The following CTR9 variants were observed in gnomAD, a reference collection of about 807,000 sequenced individuals.
CTR9 encodes the protein CTR9 component of Paf1/RNA polymerase II complex.
CTR9 carries 41 observed loss-of-function variants against 152.1 expected under a neutral mutation model. That is an observed-to-expected ratio of 0.27 (90% CI 0.21 to 0.35). The LOEUF is 0.35. CTR9 is among the 10% of genes least tolerant of loss of function. CTR9 has a pLI of 1.00. For synonymous variants in CTR9, 476 were observed against 496.2 expected (o/e 0.96, Z 0.54); for missense variants, 917 against 1,424.4 (o/e 0.64, Z 5.73).
intron 12 of CTR9, among the ~76,000 whole-genome samples, chr11:10,765,171 A>G (rs1863040598): frequency 1.3e-5 from 2 of 152,210 alleles, no homozygotes; most frequent in South Asian, 4.1e-4. Flanking sequence ...TAAAATAAGG[A>G]AAGTTTTTAA....
chr11:10,764,476 A>AAGTTG lies in CTR9; in HGVS notation c.1413+41_1413+45dup, dbSNP rs3830388. 964,143 of 1,603,902 alleles carry AAGTTG rather than the reference A, an allele frequency of 0.6. 295,901 individuals carry two copies. Among genetic ancestry groups the AAGTTG allele is most frequent in the East Asian group, 0.84 (37,569 of 44,724 alleles). ...ATATTTCCTTCTTTTATACTGAATC[A>AAGTTG]AGTTGCATGCACACCTTTTTAAAAA... On this transcript the variant is annotated intron_variant, in intron 11 of 24. Coordinates refer to ENST00000361367, the MANE Select transcript of CTR9 (RefSeq NM_014633.5).
At chr11:10,773,401 C>T in intron 21 of CTR9, 128 bp downstream of exon 21, 2 of 1,074,210 alleles carry the variant, frequency 1.9e-6, no homozygotes, top group African/African-American at 1.6e-5. Flanking sequence ...AAGAGACAGT[C>T]TTCTAACACA....
chr11:10,778,612 TTGTC>T, intron 24 of CTR9, 63 bp from the exon 25 acceptor site: 1 of 1,456,002 alleles, frequency 6.9e-7, no homozygotes, highest in Non-Finnish European at 9.4e-7. Flanking sequence ...TAAAAGCACA[TTGTC>T]TGCTCATCAA....
At chr11:10,759,094 A>C (rs1162766709) in intron 5 of CTR9, among the ~76,000 whole-genome samples, 2 of 152,218 alleles carry the variant, frequency 1.3e-5, no homozygotes, top group African/African-American at 4.8e-5. Context: ...TCTGGGCTGA[A>C]GTCATCAACA....
chr11:10,751,263 C>A lies in CTR9; in HGVS notation c.-150C>A. 1.3e-6 allele frequency: 1 copy of A among 757,946 alleles called. No homozygotes were observed. Among genetic ancestry groups the A allele is most frequent in the Admixed American group, 2.5e-5 (1 of 40,698 alleles). 47.0% of individuals were successfully genotyped at this position (757,946 alleles called of 1,614,324 possible). A position where few individuals can be genotyped will look rare whatever the true frequency, so the allele number is the denominator to read the frequency against. On this transcript the variant is annotated 5_prime_UTR_variant, in exon 1 of 25. Transcript: ENST00000361367. ...CGCTGCTCGTTGTTTAAGCGGCTGA[C>A]GGGAAGGAGAAGCCAGAGCTCCAGC...
intron 6 of CTR9, among the ~76,000 whole-genome samples, chr11:10,760,697 A>G (rs1862962799): frequency 6.6e-6 from 1 of 152,142 alleles, no homozygotes; most frequent in Non-Finnish European, 1.5e-5. Context: ...GAATGCTTTC[A>G]TTGCACGTAA....
chr11:10,775,697 C>G, intron 24 of CTR9, 64 bp downstream of exon 24: 3 of 1,082,394 alleles, frequency 2.8e-6, no homozygotes, highest in Non-Finnish European at 4.1e-6. Context: ...GATTACTAAT[C>G]AGCCTGTCTG....
At chr11:10,765,253 G>A (rs1302938347) in intron 12 of CTR9, among the ~76,000 whole-genome samples, 1 of 152,074 alleles carries the variant, frequency 6.6e-6, no homozygotes, top group Non-Finnish European at 1.5e-5. Context: ...CCACTGCAGC[G>A]GGATCGCTTG....
In CTR9 at chr11:10,767,658, CAA is replaced by C. The variant is rs201006625; in HGVS notation, c.1687-138_1687-137del. 9.8e-4 allele frequency: 563 copies of C among 572,310 alleles called. No individual in the cohort carries two copies. The highest frequency in any genetic ancestry group is 1.5e-3 in the South Asian group (58 of 39,858). 35.5% of individuals were successfully genotyped at this position (572,310 alleles called of 1,614,324 possible). The stretch of plus-strand genomic sequence containing the variant: ...AGTTCGATAAATTTGGATTGCCATG[CAA>C]AAAAAAAAAGAAAGAAAGAAAAGAA... On this transcript the variant is annotated intron_variant, in intron 13 of 24. Transcript: ENST00000361367. This position sits in a 1 kb window ranked among gnomAD's most constrained non-coding sequence, Gnocchi z 4.0.
rs1862824952 is a variant in CTR9, at chr11:10,752,709, A to T, written c.83A>T (p.Asp28Val). 3 of 1,613,894 alleles carry T rather than the reference A, an allele frequency of 1.9e-6. No homozygotes were observed. Among genetic ancestry groups the T allele is most frequent in the Non-Finnish European group, 2.5e-6 (3 of 1,179,944 alleles). Residue 28 changes from aspartate (D) to valine (V), a missense_variant, in exon 2 of 25, where the codon GAT becomes GTT. Asp to Val is a radical substitution (Grantham distance 152). Transcript: ENST00000361367. ...GACTTCGATCAGTTACCGGAGGGAG[A>T]TGAAGTTATCAGTATTCTGAAACAG... is the stretch of plus-strand genomic sequence containing the variant. ...ELDFDQLPEG[D>V]EVISILKQEH... is the part of the protein sequence containing the mutation.
At chr11:10,760,106 A>C (rs1862952895) in intron 5 of CTR9, 67 bp from the exon 6 acceptor site, 2 of 1,556,656 alleles carry the variant, frequency 1.3e-6, no homozygotes, top group Non-Finnish European at 1.8e-6. Flanking sequence ...GAGAATGTTT[A>C]AGCATTTTTG....
intron 12 of CTR9, 89 bp from the exon 13 acceptor site, chr11:10,766,312 GA>G (rs572988455): frequency 3.7e-4 from 354 of 967,338 alleles, no homozygotes; most frequent in East Asian, 9.8e-4. Context: ...CGGTATTAAT[GA>G]AAAAAAATTG....
intron 2 of CTR9, among the ~76,000 whole-genome samples, chr11:10,753,101 A>T (rs940312364): frequency 6.6e-6 from 1 of 152,234 alleles, no homozygotes; most frequent in Non-Finnish European, 1.5e-5. Context: ...CTGTGTGAAC[A>T]TTGCTGCTTA....
intron 5 of CTR9, 48 bp downstream of exon 5, chr11:10,756,886 T>G: frequency 8.6e-7 from 1 of 1,162,128 alleles, no homozygotes; most frequent in Non-Finnish European, 1.3e-6. Flanking sequence ...TTACCCAGCT[T>G]AAAGCATTGA....
rs370616035 is a variant in CTR9, at chr11:10,766,372, G to A, written c.1598-30G>A. ...TATGATCCTTTATAGCTAATATTTG[G>A]GATATAAAAACTTTTAAATATGTTT... On this transcript the variant is annotated intron_variant, in intron 12 of 24. Coordinates refer to ENST00000361367, the MANE Select transcript of CTR9 (RefSeq NM_014633.5). 6 of 1,491,554 alleles carry A rather than the reference G, an allele frequency of 4.0e-6. No individual in the cohort carries two copies. The African/African-American group carries it at 5.6e-5, about 14-fold the overall frequency. The allele number at this position is 1,491,554 out of a possible 1,614,324, so 92.4% of individuals were successfully genotyped here.
intron 6 of CTR9, among the ~76,000 whole-genome samples, chr11:10,760,903 G>C (rs551120589): frequency 6.6e-6 from 1 of 152,240 alleles, no homozygotes; most frequent in East Asian, 1.9e-4. Context: ...AGCATCTCCA[G>C]CTTCTCATTA....
chr11:10,772,560 G>GC lies in CTR9; in HGVS notation c.2488dup (p.Arg830ProfsTer7). ...ACTGAGCCAGGCCCAGTACCATGTGGCCCGGGCACGCAAACAAGATGAAGA... is the reference window on the plus strand; with the variant it reads ...ACTGAGCCAGGCCCAGTACCATGTGGCCCCGGGCACGCAAACAAGATGAAGA... On this transcript the variant is annotated frameshift_variant, in exon 20 of 25. Coordinates refer to ENST00000361367, the MANE Select transcript of CTR9 (RefSeq NM_014633.5). LOFTEE classifies it high-confidence loss of function. 6.2e-7 allele frequency: 1 copy of GC among 1,610,830 alleles called. No individual in the cohort carries two copies. Among genetic ancestry groups the GC allele is most frequent in the African/African-American group, 1.3e-5 (1 of 74,690 alleles).
chr11:10,765,754 G>A (rs1398467971), intron 12 of CTR9, among the ~76,000 whole-genome samples: 4 of 152,166 alleles, frequency 2.6e-5, no homozygotes, highest in African/African-American at 9.7e-5. Context: ...GAGCCACCGT[G>A]CCCGGCATAT....
intron 20 of CTR9, 67 bp downstream of exon 20, chr11:10,772,722 A>G: frequency 2.0e-6 from 2 of 1,003,146 alleles, no homozygotes; most frequent in Non-Finnish European, 1.3e-6. Flanking sequence ...TTGTATGTTT[A>G]AAAAAAAAAG....
Sources: gnomAD v4.1 joint callset for allele counts (sites outside exome capture counted in the v4.1 genomes callset) on GRCh38, gnomAD v4.1.1 for gene constraint, Gnocchi (gnomAD v3.1) non-coding constraint, MANE v1.5 for transcripts, NCBI Gene and HGNC (gene_info 2026-07-23, HGNC 2026-07-21) for gene names.